The following FAM162A variants were observed in gnomAD, a reference collection of about 807,000 sequenced individuals.
The protein encoded by FAM162A is family with sequence similarity 162 member A, also known as protein FAM162A.
A neutral mutation model predicts 21.8 loss-of-function variants in FAM162A; 23 were observed. The ratio of observed to expected loss-of-function variants is 1.05; its 90% CI spans 0.76 to 1.49. FAM162A has a LOEUF of 1.49. FAM162A is among the 40% of genes most tolerant of loss of function. FAM162A has a pLI of 0.00. For synonymous variants in FAM162A, 53 were observed against 61.3 expected (o/e 0.86, Z 0.64); for missense variants, 165 against 186.4 (o/e 0.89, Z 0.67).
chr3:122,386,984 A>G (rs2075577293), intron 1 of FAM162A, among the ~76,000 whole-genome samples: 1 of 152,202 alleles, frequency 6.6e-6, no homozygotes, highest in South Asian at 2.1e-4. Flanking sequence ...TAGGAACTAA[A>G]TGGCCATTTA....
At chr3:122,407,124 TGAGATCTCTAGGCCCTTTTTAAA>T (rs2075679616) in intron 3 of FAM162A, among the ~76,000 whole-genome samples, 134 bp from the exon 4 acceptor site, 1 of 152,200 alleles carries the variant, frequency 6.6e-6, no homozygotes, top group Admixed American at 6.5e-5. Flanking sequence ...CAAAGTCCTA[TGAGATCTCTAGGCCCTTTTTAAA>T]GAGATCTCTA....
chr3:122,408,546 G>T (rs1159849988), intron 4 of FAM162A, among the ~76,000 whole-genome samples: 1 of 152,126 alleles, frequency 6.6e-6, no homozygotes, highest in Non-Finnish European at 1.5e-5. Flanking sequence ...GACCATTTTA[G>T]GCTGACCTCA....
chr3:122,405,751 T>G (rs373569994), intron 3 of FAM162A, among the ~76,000 whole-genome samples: 24 of 152,358 alleles, frequency 1.6e-4, no homozygotes, highest in African/African-American at 5.5e-4. Flanking sequence ...GAACAGGCAC[T>G]GCTTAACTTG....
intron 1 of FAM162A, among the ~76,000 whole-genome samples, chr3:122,389,118 ATGAT>A (rs954623699): frequency 6.6e-6 from 1 of 152,200 alleles, no homozygotes; most frequent in Non-Finnish European, 1.5e-5. Context: ...TTTTAGTAAA[ATGAT>A]TGGAGAAGGA....
Position 122,384,314 on chromosome 3 carries a change from G to T in FAM162A, c.34+15G>T. On this transcript the variant is annotated intron_variant, in intron 1 of 4. Coordinates refer to ENST00000477892, the MANE Select transcript of FAM162A (RefSeq NM_014367.4). ...CCTGGCAGCAGGTGAGACGCCGGTC[G>T]GGATATGGGAGGTAGGGGAGCTGGC... 6.4e-7 allele frequency: 1 copy of T among 1,571,648 alleles called. No homozygotes were observed. Among genetic ancestry groups the T allele is most frequent in the Non-Finnish European group, 8.6e-7 (1 of 1,158,692 alleles).
intron 1 of FAM162A, among the ~76,000 whole-genome samples, chr3:122,400,230 A>G (rs2075646706): frequency 6.6e-6 from 1 of 152,232 alleles, no homozygotes; most frequent in Non-Finnish European, 1.5e-5. Flanking sequence ...AGGGACATGG[A>G]TGAAGCTGGA....
chr3:122,393,141 G>C (rs889557107), intron 1 of FAM162A, among the ~76,000 whole-genome samples: 2 of 152,094 alleles, frequency 1.3e-5, no homozygotes, highest in African/African-American at 4.8e-5. Context: ...TATAGCCCTA[G>C]AAAACAAAAT....
At chr3:122,384,616 C>A (rs9880639) in intron 1 of FAM162A, among the ~76,000 whole-genome samples, 1 of 152,028 alleles carries the variant, frequency 6.6e-6, no homozygotes, top group Admixed American at 6.6e-5. Flanking sequence ...CACCTACTAT[C>A]CCTAGACCTC....
rs950138092 is a variant in FAM162A at position 122,411,241 on chromosome 3, C to A, written c.*1410C>A. On this transcript the variant is annotated 3_prime_UTR_variant, in exon 5 of 5. Transcript: ENST00000477892. Reference sequence around the variant, plus strand: ...AAAATACCCAGTAAAATGTAACATACTACCTATAGCTTGATAATCTATCTG... The same window carrying A: ...AAAATACCCAGTAAAATGTAACATAATACCTATAGCTTGATAATCTATCTG... 1 of 152,204 alleles carries A rather than the reference C, an allele frequency of 6.6e-6. No individual in the cohort carries two copies. The highest frequency in any genetic ancestry group is 1.5e-5 in the Non-Finnish European group (1 of 68,038). The allele number at this position is 152,204 out of a possible 1,614,324, so 9.4% of individuals were successfully genotyped here. A position where few individuals can be genotyped will look rare whatever the true frequency, so the allele number is the denominator to read the frequency against.
intron 1 of FAM162A, among the ~76,000 whole-genome samples, chr3:122,401,690 G>A (rs1274778166): frequency 6.6e-6 from 1 of 151,986 alleles, no homozygotes. Flanking sequence ...TTGCATTGTG[G>A]TTTTGATGTG....
At chr3:122,389,765 T>C (rs1018050862) in intron 1 of FAM162A, among the ~76,000 whole-genome samples, 4 of 152,232 alleles carry the variant, frequency 2.6e-5, no homozygotes, top group Admixed American at 2.6e-4. Context: ...AAAAGAAATA[T>C]TAATGCACCA....
chr3:122,409,459 A>G (rs570072773), intron 4 of FAM162A, among the ~76,000 whole-genome samples: 1 of 152,334 alleles, frequency 6.6e-6, no homozygotes, highest in South Asian at 2.1e-4. Flanking sequence ...AGAAGAAAGT[A>G]TAAGAGAAAA....
At chr3:122,402,957 A>C in intron 2 of FAM162A, 75 bp downstream of exon 2, 1 of 1,481,322 alleles carries the variant, frequency 6.8e-7, no homozygotes, top group Non-Finnish European at 9.0e-7. Context: ...AAAAGAACCC[A>C]AAAGAGAAGA....
In FAM162A at chr3:122,410,417, G is replaced by A. The variant is rs541167836; in HGVS notation, c.*586G>A. On this transcript the variant is annotated 3_prime_UTR_variant, in exon 5 of 5. Coordinates refer to ENST00000477892, the MANE Select transcript of FAM162A (RefSeq NM_014367.4). ...GACTTAGAAATCCCAGCGTCATGGA[G>A]TTGCTTGGGGTCAACACAAGTCACC... The A allele has an allele frequency of 1.3e-5, 2 of 155,516 alleles. No individual in the cohort carries two copies. The highest frequency in any genetic ancestry group is 3.8e-4 in the East Asian group (2 of 5,274). The allele number at this position is 155,516 out of a possible 1,614,324, so 9.6% of individuals were successfully genotyped here.
intron 4 of FAM162A, chr3:122,407,754 C>A (rs1016568392): frequency 2.4e-5 from 7 of 294,970 alleles, no homozygotes; most frequent in Admixed American, 1.8e-4. Flanking sequence ...TATTTACCCT[C>A]ACCATAACTG....
chr3:122,401,331 T>C, intron 1 of FAM162A: 1 of 955,414 alleles, frequency 1.0e-6, no homozygotes, highest in Non-Finnish European at 1.3e-6. Context: ...TGTCGATTTA[T>C]TTTGCCAACA....
At chr3:122,391,647 G>C (rs1256624337) in intron 1 of FAM162A, among the ~76,000 whole-genome samples, 1 of 152,190 alleles carries the variant, frequency 6.6e-6, no homozygotes, top group South Asian at 2.1e-4. Context: ...AACTACCTCA[G>C]TACCTCTCTC....
At chr3:122,388,873 C>T (rs1292999791) in intron 1 of FAM162A, among the ~76,000 whole-genome samples, 1 of 152,046 alleles carries the variant, frequency 6.6e-6, no homozygotes, top group African/African-American at 2.4e-5. Context: ...CACGGTGAAA[C>T]CCTGTCTCTA....
In FAM162A at chr3:122,412,240, A is replaced by T. The variant is rs767047560; in HGVS notation, c.*2409A>T. ...ATTTCTAGGTTTTTTTTGCGTGTTTATCATGTCTCCGTAGGTAAAGTGGGC... is the reference window on the plus strand; with the variant it reads ...ATTTCTAGGTTTTTTTTGCGTGTTTTTCATGTCTCCGTAGGTAAAGTGGGC... On this transcript the variant is annotated 3_prime_UTR_variant, in exon 5 of 5. Coordinates refer to ENST00000477892, the MANE Select transcript of FAM162A (RefSeq NM_014367.4). The T allele has an allele frequency of 1.3e-5, 2 of 152,134 alleles. No homozygotes were observed. The highest frequency in any genetic ancestry group is 4.8e-5 in the African/African-American group (2 of 41,424). The allele number at this position is 152,134 out of a possible 1,614,324, so 9.4% of individuals were successfully genotyped here.
Sources: allele counts gnomAD v4.1 joint callset (sites outside exome capture counted in the v4.1 genomes callset), GRCh38; gene constraint gnomAD v4.1.1; transcripts MANE v1.5; gene names NCBI Gene and HGNC (gene_info 2026-07-23, HGNC 2026-07-21).